WWC1: variants seen among roughly 807,000 people sequenced by gnomAD.
WWC1 encodes the protein WW and C2 domain containing 1, also known as protein KIBRA.
WWC1 carries 55 observed loss-of-function variants against 138.4 expected under a neutral mutation model. The observed-to-expected ratio is 0.40, with a 90% CI of 0.32 to 0.50. WWC1 has a LOEUF of 0.50. Among genes scored for constraint, WWC1 ranks in the 20% least tolerant of loss-of-function variants. The probability of loss-of-function intolerance (pLI) is 0.72; values close to 1 mark genes in which losing one functional copy is unlikely to be tolerated. For synonymous variants in WWC1, 524 were observed against 564.9 expected, an observed-to-expected ratio of 0.93 and a Z score of 1.03; for missense variants, 1,226 against 1,420.4, an observed-to-expected ratio of 0.86 and a Z score of 2.20.
Position 168,292,251 on chromosome 5 carries a change from C to G in WWC1, c.99C>G (p.Ser33Arg), listed in dbSNP as rs760224951. The G allele has an allele frequency of 4.4e-6, 7 of 1,599,718 alleles. No homozygotes were observed. In the African/African-American group the frequency reaches 5.4e-5, roughly 12 times the overall value. ...TAGACCACACGAACCGCACCACCAG[C>G]TGGATCGACCCGCGGGACAGGTAGG... is the stretch of plus-strand genomic sequence containing the variant. ...YYIDHTNRTT[S>R]WIDPRDRYTK... Residue 33 changes from serine (S) to arginine (R), a missense_variant, in exon 1 of 23, where the codon AGC (serine) becomes AGG (arginine). Physicochemically the swap from Ser to Arg is moderately radical, Grantham distance 110. Coordinates refer to ENST00000265293, the MANE Select transcript of WWC1 (RefSeq NM_015238.3). The surrounding 1 kb of genome is among the most constrained non-coding windows in gnomAD (Gnocchi z 4.4).
intron 2 of WWC1, among the ~76,000 whole-genome samples, chr5:168,381,839 A>C (rs1376380588): frequency 2.7e-5 from 4 of 148,510 alleles, no homozygotes; most frequent in African/African-American, 1.0e-4. Flanking sequence ...CTGACTTTTA[A>C]AAAGAAAAAA....
rs188275783 is a variant in WWC1 at position 168,306,413 on chromosome 5, A to C, written c.119+14142A>C. On this transcript the variant is annotated intron_variant, in intron 1 of 22. Coordinates refer to ENST00000265293, the MANE Select transcript of WWC1 (RefSeq NM_015238.3). Reference sequence around the variant, plus strand: ...TCCATCTTAAAAAATAAAAATAAATATTTGGGGGAATGTCAGTTACCTTGC... The same window carrying C: ...TCCATCTTAAAAAATAAAAATAAATCTTTGGGGGAATGTCAGTTACCTTGC... 8.1e-4 allele frequency among the ~76,000 whole-genome samples: 123 copies of C among 152,172 alleles called. 1 individual carries two copies. The highest frequency in any genetic ancestry group is 2.8e-3 in the African/African-American group (118 of 41,540).
chr5:168,421,930 G>C, intron 9 of WWC1, 78 bp from the exon 10 acceptor site: 1 of 1,241,744 alleles, frequency 8.1e-7, no homozygotes, highest in South Asian at 1.2e-5. Flanking sequence ...TGTGCCTGTG[G>C]GTCTGGGTGT....
At chr5:168,423,161 A>AAAAAAAAAAAC (rs1781248188) in intron 10 of WWC1, among the ~76,000 whole-genome samples, 26 of 140,098 alleles carry the variant, frequency 1.9e-4, no homozygotes, top group East Asian at 4.3e-4. Flanking sequence ...AAAAAAAAAA[A>AAAAAAAAAAAC]AAAAAAAAAA....
At chr5:168,444,100 G>A (rs1393330513) in intron 16 of WWC1, among the ~76,000 whole-genome samples, 1 of 152,168 alleles carries the variant, frequency 6.6e-6, no homozygotes, top group Non-Finnish European at 1.5e-5. Flanking sequence ...TTCCCAAACA[G>A]CCAGTACTTA....
intron 1 of WWC1, among the ~76,000 whole-genome samples, chr5:168,351,316 T>G (rs1774936486): frequency 1.3e-5 from 2 of 152,062 alleles, no homozygotes; most frequent in Admixed American, 1.3e-4. Flanking sequence ...GAAGGGTAAT[T>G]GAAAAGGGAA....
At chr5:168,421,707 G>A (rs1297254549) in intron 9 of WWC1, among the ~76,000 whole-genome samples, 2 of 152,114 alleles carry the variant, frequency 1.3e-5, no homozygotes, top group African/African-American at 2.4e-5. Flanking sequence ...AACTCTAAGG[G>A]CCTCGATTTC....
At chr5:168,396,994 T>TA (rs573757123) in intron 3 of WWC1, among the ~76,000 whole-genome samples, 1 of 152,006 alleles carries the variant, frequency 6.6e-6, no homozygotes, top group Non-Finnish European at 1.5e-5. Context: ...TTATTGTTTT[T>TA]AAAAAAAGAA....
intron 1 of WWC1, among the ~76,000 whole-genome samples, chr5:168,363,342 G>A (rs1355885862): frequency 6.6e-6 from 1 of 151,878 alleles, no homozygotes; most frequent in African/African-American, 2.4e-5. Context: ...TGACAAACAT[G>A]GGGAAATCCC....
At chr5:168,427,556 T>TTATTTTTA (rs1294268539) in intron 11 of WWC1, among the ~76,000 whole-genome samples, 1 of 147,356 alleles carries the variant, frequency 6.8e-6, no homozygotes, top group East Asian at 2.0e-4. Context: ...TAATTTTTTT[T>TTATTTTTA]TTTTTTTTTT....
At position 168,382,854 on chromosome 5, in the gene WWC1, G is replaced by A. The variant is rs141448764; in HGVS notation, c.230-2357G>A. ...TCAGAAAAAGGAGGAGGAAAAGCTT[G>A]AAGAATTGCTATTCACAGACGATTC... On this transcript the variant is annotated intron_variant, in intron 2 of 22. Coordinates refer to ENST00000265293, the MANE Select transcript of WWC1 (RefSeq NM_015238.3). Among the ~76,000 whole-genome samples, 810 of 152,202 alleles carry A rather than the reference G, an allele frequency of 5.3e-3. 6 individuals carry two copies. The highest frequency in any genetic ancestry group is 0.018 in the African/African-American group (753 of 41,528).
At chr5:168,316,627 A>G (rs190439654) in intron 1 of WWC1, 2 of 152,516 alleles carry the variant, frequency 1.3e-5, no homozygotes, top group East Asian at 3.9e-4. Flanking sequence ...CTTGAAGAGA[A>G]AGAAAGGACT....
chr5:168,469,672 A>G lies in WWC1; in HGVS notation c.*655A>G, dbSNP rs1159428582. 2 of 152,294 alleles carry G rather than the reference A, an allele frequency of 1.3e-5. No individual in the cohort carries two copies. The highest frequency in any genetic ancestry group is 4.8e-5 in the African/African-American group (2 of 41,452). 9.4% of individuals were successfully genotyped at this position (152,294 alleles called of 1,614,324 possible). On this transcript the variant is annotated 3_prime_UTR_variant, in exon 23 of 23. Transcript: ENST00000265293. ...CAGGCCACGCTGGTCTCAGATGCCCAGTGAAGCCACTAACATGAGTGAGGG... is the reference window on the plus strand; with the variant it reads ...CAGGCCACGCTGGTCTCAGATGCCCGGTGAAGCCACTAACATGAGTGAGGG...
chr5:168,330,593 G>T (rs1441792839), intron 1 of WWC1, among the ~76,000 whole-genome samples: 2 of 152,154 alleles, frequency 1.3e-5, no homozygotes, highest in Admixed American at 6.5e-5. Flanking sequence ...GAGGTAGTGG[G>T]AGGTGATCCT....
chr5:168,423,678 G>A lies in WWC1; in HGVS notation c.1420G>A (p.Asp474Asn). 2 of 1,614,160 alleles carry A rather than the reference G, an allele frequency of 1.2e-6. No homozygotes were observed. The highest frequency in any genetic ancestry group is 1.7e-6 in the Non-Finnish European group (2 of 1,180,032). ...CTACTATGACCCCTTTGAGCAGCTGGACTCAGAGCTGCAGAGCAAGGTGGA... is the reference window on the plus strand; with the variant it reads ...CTACTATGACCCCTTTGAGCAGCTGAACTCAGAGCTGCAGAGCAAGGTGGA... ...DLYYDPFEQL[D>N]SELQSKVEFL... The change falls in exon 11 of 23, where the codon GAC (aspartate) becomes AAC (asparagine). Residue 474 changes from aspartate to asparagine, a missense_variant. Physicochemically the swap from Asp to Asn is conservative, Grantham distance 23 (BLOSUM62 1). Coordinates refer to ENST00000265293, the MANE Select transcript of WWC1 (RefSeq NM_015238.3).
At chr5:168,309,102 C>T (rs1360189138) in intron 1 of WWC1, among the ~76,000 whole-genome samples, 1 of 152,110 alleles carries the variant, frequency 6.6e-6, no homozygotes, top group Non-Finnish European at 1.5e-5. Flanking sequence ...CCTCCTTGAC[C>T]TCCTGTAGCA....
intron 1 of WWC1, among the ~76,000 whole-genome samples, chr5:168,365,703 A>G (rs1458132535): frequency 6.6e-6 from 1 of 152,106 alleles, no homozygotes; most frequent in Non-Finnish European, 1.5e-5. Context: ...TGCTGTTTGT[A>G]GGGTGCTCCT....
intron 1 of WWC1, among the ~76,000 whole-genome samples, chr5:168,321,119 C>T (rs1358629892): frequency 6.6e-6 from 1 of 152,152 alleles, no homozygotes; most frequent in Non-Finnish European, 1.5e-5. Flanking sequence ...CTTGGGCCTC[C>T]ATACAGTGCC....
At chr5:168,296,280 G>A (rs1004075175) in intron 1 of WWC1, among the ~76,000 whole-genome samples, 1 of 152,206 alleles carries the variant, frequency 6.6e-6, no homozygotes, top group Admixed American at 6.5e-5. Flanking sequence ...TTCTGGGTCT[G>A]TATGGTAAGT....
Sources: allele counts gnomAD v4.1 joint callset (sites outside exome capture counted in the v4.1 genomes callset), GRCh38; gene constraint gnomAD v4.1.1; non-coding constraint Gnocchi (gnomAD v3.1); transcripts MANE v1.5; gene names NCBI Gene and HGNC (gene_info 2026-07-23, HGNC 2026-07-21).